Variants in TOP6BL observed in about 807,000 individuals in gnomAD.
The protein encoded by TOP6BL is TOP6B like initiator of meiotic double strand breaks.
the TOP6BL span, among the ~76,000 whole-genome samples, chr11:66,828,007 A>G: frequency 6.6e-6 from 1 of 151,622 alleles, no homozygotes; most frequent in Non-Finnish European, 1.5e-5. Context: ...AGATGGGAAA[A>G]CAAAGACCTT....
At chr11:66,826,147 T>C in the TOP6BL span, among the ~76,000 whole-genome samples, 1 of 152,182 alleles carries the variant, frequency 6.6e-6, no homozygotes, top group Admixed American at 6.5e-5. Context: ...CCTGGCCTGC[T>C]TCATTTTTTT....
the TOP6BL span, among the ~76,000 whole-genome samples, chr11:66,776,684 A>G: frequency 2.0e-5 from 3 of 152,148 alleles, no homozygotes. Flanking sequence ...TGCTCCTGTT[A>G]AGTTTAGGAA....
At chr11:66,757,059 G>A in the TOP6BL span, among the ~76,000 whole-genome samples, 3 of 149,296 alleles carry the variant, frequency 2.0e-5, no homozygotes, top group African/African-American at 4.9e-5. Flanking sequence ...GGGTGGGGGC[G>A]GGTGCAGGCA....
At chr11:66,787,568 A>T in the TOP6BL span, among the ~76,000 whole-genome samples, 7 of 141,010 alleles carry the variant, frequency 5.0e-5, no homozygotes, top group African/African-American at 1.6e-4. Context: ...AAAAAAAAAA[A>T]GCCTAGCGGG....
At chr11:66,827,896 C>T in the TOP6BL span, among the ~76,000 whole-genome samples, 4 of 126,062 alleles carry the variant, frequency 3.2e-5, no homozygotes, top group Non-Finnish European at 3.2e-5. Flanking sequence ...ATCTAGGGGG[C>T]GGAGGGTGCA....
At chr11:66,778,567 A>G in the TOP6BL span, among the ~76,000 whole-genome samples, 4 of 152,214 alleles carry the variant, frequency 2.6e-5, no homozygotes, top group Non-Finnish European at 5.9e-5. Flanking sequence ...TTCAAGACTT[A>G]TAAAGCTACA....
the TOP6BL span, among the ~76,000 whole-genome samples, chr11:66,755,121 ATTTTTTTT>A: frequency 7.1e-6 from 1 of 140,774 alleles, no homozygotes; most frequent in African/African-American, 2.6e-5. Flanking sequence ...TAGTTTCTAG[ATTTTTTTT>A]TTTTTTTTGA....
the TOP6BL span, among the ~76,000 whole-genome samples, chr11:66,821,921 ACTCAAACTTTAG>A: frequency 6.6e-5 from 10 of 152,226 alleles, no homozygotes; most frequent in Non-Finnish European, 1.0e-4. Context: ...CTAGCCTACA[ACTCAAACTTTAG>A]CTTAGATGGA....
chr11:66,802,256 G>A, the TOP6BL span, among the ~76,000 whole-genome samples: 1 of 151,840 alleles, frequency 6.6e-6, no homozygotes, highest in African/African-American at 2.4e-5. Context: ...TGGTTCAAGC[G>A]ATTCTCCTGC....
the TOP6BL span, among the ~76,000 whole-genome samples, chr11:66,829,440 C>T: frequency 6.6e-6 from 1 of 151,786 alleles, no homozygotes; most frequent in East Asian, 1.9e-4. Flanking sequence ...GCCGGTGTGG[C>T]GACATGCACC....
At chr11:66,843,496 T>A in the TOP6BL span, 6 of 1,483,620 alleles carry the variant, frequency 4.0e-6, no homozygotes, top group Non-Finnish European at 5.3e-6. Flanking sequence ...CTGCTGTCGG[T>A]GTCGCGGCCG....
the TOP6BL span, chr11:66,838,419 A>T: frequency 5.6e-6 from 9 of 1,613,922 alleles, no homozygotes; most frequent in African/African-American, 6.7e-5. Context: ...GACGCACCTG[A>T]TAACAGCAGC....
At chr11:66,764,127 T>C in the TOP6BL span, among the ~76,000 whole-genome samples, 1 of 152,094 alleles carries the variant, frequency 6.6e-6, no homozygotes, top group South Asian at 2.1e-4. Flanking sequence ...AGCCTATGCC[T>C]AGAAAAAAGG....
At chr11:66,758,967 T>G in the TOP6BL span, 2 of 1,132,732 alleles carry the variant, frequency 1.8e-6, no homozygotes, top group South Asian at 1.7e-5. Context: ...AAGCAGTTTT[T>G]TAGACTCTCA....
At chr11:66,784,325 A>AC in the TOP6BL span, among the ~76,000 whole-genome samples, 1 of 151,042 alleles carries the variant, frequency 6.6e-6, no homozygotes. Flanking sequence ...GAGCCACTGC[A>AC]CCCTGCCATT....
the TOP6BL span, chr11:66,821,644 A>T: frequency 4.4e-6 from 7 of 1,604,250 alleles, no homozygotes; most frequent in Non-Finnish European, 6.0e-6. Context: ...TCCCCTTAGG[A>T]GTCTATACTT....
At chr11:66,827,712 C>T in the TOP6BL span, among the ~76,000 whole-genome samples, 2 of 151,950 alleles carry the variant, frequency 1.3e-5, no homozygotes, top group Admixed American at 1.3e-4. Context: ...CACCTGTAAT[C>T]CTAGCACTTT....
the TOP6BL span, among the ~76,000 whole-genome samples, chr11:66,778,329 C>G: frequency 6.6e-6 from 1 of 152,080 alleles, no homozygotes; most frequent in African/African-American, 2.4e-5. Context: ...TTTCAAGATG[C>G]TCAGTTGGCT....
the TOP6BL span, among the ~76,000 whole-genome samples, chr11:66,761,223 T>C: frequency 0.25 from 37,384 of 151,508 alleles, 4,675 homozygotes; most frequent in Middle Eastern, 0.33. Context: ...TACTAAAAAT[T>C]AGCCGGGCGT....
Sources: allele counts gnomAD v4.1 joint callset (sites outside exome capture counted in the v4.1 genomes callset), GRCh38; gene constraint gnomAD v4.1.1; transcripts MANE v1.5; gene names NCBI Gene and HGNC (gene_info 2026-07-23, HGNC 2026-07-21).